SLC35F1: variants seen among roughly 807,000 people sequenced by gnomAD.
SLC35F1 encodes solute carrier family 35 member F1, also known as chromosome 6 open reading frame 169.
In SLC35F1, 14 loss-of-function variants were observed where a neutral mutation model predicts 48.7. That is an observed-to-expected ratio of 0.29 (90% CI 0.19 to 0.45). The LOEUF (loss-of-function observed/expected upper bound fraction) is 0.45, where lower values mean the gene tolerates loss of function less well. Among genes scored for constraint, SLC35F1 ranks in the 20% least tolerant of loss-of-function variants. The pLI is 1.00. For missense variants in SLC35F1, 404 were observed against 500.0 expected (o/e 0.81, Z 1.83); for synonymous variants, 190 against 202.2 (o/e 0.94, Z 0.51).
chr6:117,999,355 C>T (rs1777051931), intron 1 of SLC35F1: 1 of 1,591,792 alleles, frequency 6.3e-7, no homozygotes, highest in Non-Finnish European at 8.5e-7. Flanking sequence ...AGGCCAAGGC[C>T]AAGGATCAAA....
rs897347420 is a variant in SLC35F1, at chr6:117,907,610, A to T, written c.-117A>T. 1.9e-6 allele frequency: 1 copy of T among 518,540 alleles called. No individual in the cohort carries two copies. Among genetic ancestry groups the T allele is most frequent in the Non-Finnish European group, 3.1e-6 (1 of 323,414 alleles). 32.1% of individuals were successfully genotyped at this position (518,540 alleles called of 1,614,324 possible). The stretch of plus-strand genomic sequence containing the variant: ...CCCGCCTCACCGCTTCGCAGGCAGC[A>T]CCGCCTCCCGGGCCGCGGCCGCCCG... On this transcript the variant is annotated 5_prime_UTR_variant, in exon 1 of 8. Coordinates refer to ENST00000360388, the MANE Select transcript of SLC35F1 (RefSeq NM_001029858.4).
Position 117,998,928 on chromosome 6 carries a change from C to G in SLC35F1, c.173+91029C>G, listed in dbSNP as rs1777041851. The G allele has an allele frequency of 7.7e-6, 6 of 776,318 alleles. No homozygotes were observed. In the Admixed American group the frequency reaches 1.1e-4, roughly 14 times the overall value. The allele number at this position is 776,318 out of a possible 1,614,324, so 48.1% of individuals were successfully genotyped here. A position where few individuals can be genotyped will look rare whatever the true frequency, so the allele number is the denominator to read the frequency against. ...GAAGGCAAGAAATACCTAAAATCAG[C>G]TCTTCCGGTTCTAGGCACTTCGGGA... On this transcript the variant is annotated intron_variant, in intron 1 of 7. Coordinates refer to ENST00000360388, the MANE Select transcript of SLC35F1 (RefSeq NM_001029858.4).
intron 1 of SLC35F1, among the ~76,000 whole-genome samples, chr6:118,028,950 T>A (rs1481266937): frequency 6.6e-6 from 1 of 151,796 alleles, no homozygotes. Context: ...AAGAATAGTC[T>A]CTCCAAGAAC....
At position 118,259,844 on chromosome 6, in the gene SLC35F1, A is replaced by G. The variant is rs190837401; in HGVS notation, c.478-7151A>G. ...TCAAAGTGTTAAACACTGAGTTACT[A>G]TATGACCTGGCAGGGCCACTTCTCA... On this transcript the variant is annotated intron_variant, in intron 3 of 7. Transcript: ENST00000360388. Among the ~76,000 whole-genome samples the G allele has an allele frequency of 1.8e-4, 27 of 152,242 alleles. No homozygotes were observed. The East Asian group carries it at 3.7e-3, about 21-fold the overall frequency.
At chr6:118,152,114 C>T (rs984507647) in intron 1 of SLC35F1, among the ~76,000 whole-genome samples, 12 of 152,192 alleles carry the variant, frequency 7.9e-5, no homozygotes, top group African/African-American at 1.4e-4. Context: ...GAAGAGAAGA[C>T]GGAACACTTC....
rs1776395354 is a variant in SLC35F1 at position 117,953,937 on chromosome 6, G to GCA, written c.173+46039_173+46040dup. On this transcript the variant is annotated intron_variant, in intron 1 of 7. Transcript: ENST00000360388. ...CTGAAACAACAAGTTACCACCCAGGGCATGTGGTCAATCTCCTTGTAATTT... is the reference window on the plus strand; with the variant it reads ...CTGAAACAACAAGTTACCACCCAGGGCACATGTGGTCAATCTCCTTGTAATTT... 2.0e-5 allele frequency among the ~76,000 whole-genome samples: 3 copies of GCA among 152,202 alleles called. No individual in the cohort carries two copies. In the South Asian group the frequency reaches 6.2e-4, roughly 32 times the overall value.
chr6:118,307,901 T>TCCTCAGCCCTCTGAGAAGCACAG (rs1776331251), intron 7 of SLC35F1, among the ~76,000 whole-genome samples: 1 of 152,198 alleles, frequency 6.6e-6, no homozygotes, highest in African/African-American at 2.4e-5. Flanking sequence ...CCAGGTATGA[T>TCCTCAGCCCTCTGAGAAGCACAG]CCTCAGCCCT....
chr6:117,976,195 T>C (rs908630510), intron 1 of SLC35F1, among the ~76,000 whole-genome samples: 6 of 152,206 alleles, frequency 3.9e-5, no homozygotes, highest in African/African-American at 1.4e-4. Flanking sequence ...CCTTTCAGCT[T>C]CAAATGTATT....
chr6:118,263,686 T>C (rs1298232745), intron 3 of SLC35F1, among the ~76,000 whole-genome samples: 2 of 152,206 alleles, frequency 1.3e-5, no homozygotes, highest in African/African-American at 4.8e-5. Flanking sequence ...TTTTGTTTGT[T>C]TGTTTGTTTG....
At position 117,907,587 on chromosome 6, in the gene SLC35F1, C is replaced by A. The variant is rs1225616498; in HGVS notation, c.-140C>A. 2.2e-6 allele frequency: 1 copy of A among 447,718 alleles called. No homozygotes were observed. Among genetic ancestry groups the A allele is most frequent in the African/African-American group, 2.1e-5 (1 of 47,930 alleles). The allele number at this position is 447,718 out of a possible 1,614,324, so 27.7% of individuals were successfully genotyped here. A position where few individuals can be genotyped will look rare whatever the true frequency, so the allele number is the denominator to read the frequency against. ...GCGGCCGTAGCCGCGGGTGCCTCCC[C>A]GCCTCACCGCTTCGCAGGCAGCACC... On this transcript the variant is annotated 5_prime_UTR_variant, in exon 1 of 8. Coordinates refer to ENST00000360388, the MANE Select transcript of SLC35F1 (RefSeq NM_001029858.4).
At position 118,314,420 on chromosome 6, in the gene SLC35F1, G is replaced by C. The variant is rs1327018992; in HGVS notation, c.*168G>C. On this transcript the variant is annotated 3_prime_UTR_variant, in exon 8 of 8. Coordinates refer to ENST00000360388, the MANE Select transcript of SLC35F1 (RefSeq NM_001029858.4). ...GAAAGGAACAAGCTCAACATCACTG[G>C]AGACACAGGCTCTAATCCACCTGAC... 9.6e-6 allele frequency: 6 copies of C among 626,738 alleles called. No homozygotes were observed. In the East Asian group the frequency reaches 1.6e-4, roughly 17 times the overall value. 38.8% of individuals were successfully genotyped at this position (626,738 alleles called of 1,614,324 possible).
chr6:118,113,082 T>A (rs569359035), intron 1 of SLC35F1, among the ~76,000 whole-genome samples: 107 of 152,214 alleles, frequency 7.0e-4, no homozygotes, highest in African/African-American at 2.0e-3. Context: ...TTTAAAAAAA[T>A]TTTTAATGTA....
At chr6:117,954,455 T>G (rs1776401707) in intron 1 of SLC35F1, among the ~76,000 whole-genome samples, 1 of 152,138 alleles carries the variant, frequency 6.6e-6, no homozygotes, top group Non-Finnish European at 1.5e-5. Flanking sequence ...GATGGGGTTT[T>G]ACCATTTTGG....
chr6:118,290,497 A>G (rs1776107153), intron 7 of SLC35F1, among the ~76,000 whole-genome samples: 1 of 151,620 alleles, frequency 6.6e-6, no homozygotes. Flanking sequence ...TTTATGAACA[A>G]TCATATTTAG....
At chr6:117,916,195 T>G (rs1204305948) in intron 1 of SLC35F1, among the ~76,000 whole-genome samples, 3 of 152,214 alleles carry the variant, frequency 2.0e-5, no homozygotes, top group Non-Finnish European at 4.4e-5. Flanking sequence ...GAAATAACTG[T>G]AGCAGTTTGA....
chr6:117,923,649 ATG>A lies in SLC35F1; in HGVS notation c.173+15752_173+15753del, dbSNP rs57800937. 1.3e-3 allele frequency among the ~76,000 whole-genome samples: 63 copies of A among 48,624 alleles called. 10 individuals are homozygous for A. The highest frequency in any genetic ancestry group is 0.026 in the Middle Eastern group (1 of 38). 31.9% of individuals were successfully genotyped at this position (48,624 alleles called of 152,430 possible). A position where few individuals can be genotyped will look rare whatever the true frequency, so the allele number is the denominator to read the frequency against. ...TATACATATATGTACATATGTACAT[ATG>A]TACATATGTATATATACATATATGT... On this transcript the variant is annotated intron_variant, in intron 1 of 7. Transcript: ENST00000360388.
intron 1 of SLC35F1, among the ~76,000 whole-genome samples, chr6:117,935,474 C>G (rs900592869): frequency 1.3e-5 from 2 of 152,294 alleles, no homozygotes; most frequent in East Asian, 3.9e-4. Context: ...CTGTTGAAGA[C>G]AGCTTATTTA....
intron 1 of SLC35F1, among the ~76,000 whole-genome samples, chr6:117,956,713 T>C (rs927287804): frequency 5.3e-5 from 8 of 152,206 alleles, no homozygotes; most frequent in African/African-American, 1.7e-4. Flanking sequence ...TAATCTCTTA[T>C]TGGAAAATTT....
chr6:118,178,436 T>C (rs1774524883), intron 2 of SLC35F1, among the ~76,000 whole-genome samples: 1 of 152,170 alleles, frequency 6.6e-6, no homozygotes, highest in Non-Finnish European at 1.5e-5. Flanking sequence ...CAATTTATTT[T>C]TAGTAAATGT....
Sources: gnomAD v4.1 joint callset for allele counts (sites outside exome capture counted in the v4.1 genomes callset) on GRCh38, gnomAD v4.1.1 for gene constraint, MANE v1.5 for transcripts, NCBI Gene and HGNC (gene_info 2026-07-23, HGNC 2026-07-21) for gene names.